Variants in PCNX2 observed in about 807,000 individuals in gnomAD.
The protein encoded by PCNX2 is pecanex 2.
In PCNX2, 168 loss-of-function variants were observed where a neutral mutation model predicts 223.8. The observed-to-expected ratio is 0.75, with a 90% CI of 0.66 to 0.85. The LOEUF (loss-of-function observed/expected upper bound fraction) is 0.85. PCNX2 is among the 40% of genes least tolerant of loss of function. The pLI is 0.00. For synonymous variants in PCNX2, 1,006 were observed against 1,052.6 expected, an observed-to-expected ratio of 0.96 and a Z score of 0.86; for missense variants, 2,507 against 2,675.5, an observed-to-expected ratio of 0.94 and a Z score of 1.39.
At chr1:233,035,379 T>C (rs1671419191) in intron 25 of PCNX2, among the ~76,000 whole-genome samples, 1 of 152,214 alleles carries the variant, frequency 6.6e-6, no homozygotes, top group Non-Finnish European at 1.5e-5. Context: ...ATTTCATCAA[T>C]ATGATTACAT....
intron 28 of PCNX2, among the ~76,000 whole-genome samples, chr1:233,006,984 T>A (rs1008310711): frequency 5.3e-5 from 8 of 151,974 alleles, no homozygotes; most frequent in Non-Finnish European, 1.0e-4. Context: ...CTTATTCCTC[T>A]CTGTGGAACC....
intron 25 of PCNX2, among the ~76,000 whole-genome samples, chr1:233,039,867 A>G (rs546507661): frequency 1.6e-3 from 251 of 152,362 alleles, no homozygotes; most frequent in African/African-American, 5.8e-3. Flanking sequence ...AAACACTCAA[A>G]CACAAATATA....
At chr1:233,110,684 C>T (rs569522782) in intron 21 of PCNX2, among the ~76,000 whole-genome samples, 234 of 151,878 alleles carry the variant, frequency 1.5e-3, no homozygotes, top group African/African-American at 5.2e-3. Context: ...TAGTAAACAA[C>T]GGATTGTGTG....
In PCNX2 at chr1:233,027,876, C is replaced by T. The variant is rs112501270; in HGVS notation, c.4352-2477G>A. Among the ~76,000 whole-genome samples, 471 of 152,320 alleles carry T rather than the reference C, an allele frequency of 3.1e-3. 6 individuals are homozygous for T. Among genetic ancestry groups the T allele is most frequent in the African/African-American group, 0.01 (428 of 41,568 alleles). ...TCTTCTTTGCTAATATAAACTTTTA[C>T]AGCTGCACATTTCTCTCTATGCATT... is the stretch of plus-strand genomic sequence containing the variant. On this transcript the variant is annotated intron_variant, in intron 25 of 33. Transcript: ENST00000258229.
At chr1:233,230,091 A>G (rs1041798311) in intron 9 of PCNX2, among the ~76,000 whole-genome samples, 2 of 152,234 alleles carry the variant, frequency 1.3e-5, no homozygotes, top group African/African-American at 4.8e-5. Context: ...TTGAAAACTG[A>G]AAACATAACA....
chr1:233,252,174 C>A (rs529902875), intron 7 of PCNX2, among the ~76,000 whole-genome samples, 180 bp downstream of exon 7: 1 of 152,196 alleles, frequency 6.6e-6, no homozygotes, highest in African/African-American at 2.4e-5. Flanking sequence ...GGGCACAGCA[C>A]GTGTAAAGGC....
At chr1:233,200,381 A>ATTTTT in intron 13 of PCNX2, 117 bp from the exon 14 acceptor site, 3 of 429,184 alleles carry the variant, frequency 7.0e-6, no homozygotes, top group South Asian at 3.1e-5. Context: ...ACTGGAGGCA[A>ATTTTT]TCTTTTTTTT....
chr1:233,054,470 GT>G lies in PCNX2; in HGVS notation c.4148del (p.Asn1383ThrfsTer11). ...QIERDPGNDD[N>X]NLNSIFYEHL... Reference sequence around the variant, plus strand: ...GTTCATAAAAAATGGAATTGAGATTGTTGTCATCATTCCCTAAAGGCAGACA... The same window carrying G: ...GTTCATAAAAAATGGAATTGAGATTGTGTCATCATTCCCTAAAGGCAGACA... On this transcript the variant is annotated frameshift_variant, in exon 25 of 34. Coordinates refer to ENST00000258229, the MANE Select transcript of PCNX2 (RefSeq NM_014801.4). LOFTEE classifies it high-confidence loss of function. 1 of 1,612,592 alleles carries G rather than the reference GT, an allele frequency of 6.2e-7. No individual in the cohort carries two copies. The highest frequency in any genetic ancestry group is 8.5e-7 in the Non-Finnish European group (1 of 1,178,844).
intron 1 of PCNX2, among the ~76,000 whole-genome samples, chr1:233,263,415 C>T (rs1572172050): frequency 1.3e-5 from 2 of 151,436 alleles, no homozygotes. Context: ...AGGCAGGAAC[C>T]CCACAGAACA....
intron 19 of PCNX2, among the ~76,000 whole-genome samples, chr1:233,143,559 T>C (rs978373892): frequency 2.0e-5 from 3 of 152,162 alleles, no homozygotes; most frequent in Admixed American, 6.5e-5. Context: ...ATTCTGCGGA[T>C]TGGGCCCTGG....
rs78006998 is a variant in PCNX2 at position 233,098,140 on chromosome 1, G to C, written c.3838-2277C>G. 3.9e-5 allele frequency among the ~76,000 whole-genome samples: 6 copies of C among 152,252 alleles called. No individual in the cohort carries two copies. In the East Asian group the frequency reaches 1.2e-3, roughly 29 times the overall value. On this transcript the variant is annotated intron_variant, in intron 21 of 33. Transcript: ENST00000258229. Reference sequence around the variant, plus strand: ...CTCATATGATGTATTGCCCCCAAATGCCCTAAAAAATGAATCATGAGTTAT... The same window carrying C: ...CTCATATGATGTATTGCCCCCAAATCCCCTAAAAAATGAATCATGAGTTAT...
intron 15 of PCNX2, among the ~76,000 whole-genome samples, chr1:233,192,038 T>C (rs1263291889): frequency 1.3e-5 from 2 of 152,232 alleles, no homozygotes; most frequent in Non-Finnish European, 2.9e-5. Flanking sequence ...TAGTAGTGTA[T>C]TACTGAAACA....
At chr1:233,077,014 T>C (rs1000609894) in intron 23 of PCNX2, among the ~76,000 whole-genome samples, 1 of 152,186 alleles carries the variant, frequency 6.6e-6, no homozygotes, top group African/African-American at 2.4e-5. Context: ...GTTTTCTGAA[T>C]GTCTAAAATA....
upstream of PCNX2, among the ~76,000 whole-genome samples, chr1:233,297,262 A>G (rs1662176383): frequency 6.6e-6 from 1 of 152,216 alleles, no homozygotes; most frequent in African/African-American, 2.4e-5. Flanking sequence ...TGATTCATCA[A>G]ATATTTACTC....
At chr1:233,058,720 C>T (rs985215030) in intron 23 of PCNX2, among the ~76,000 whole-genome samples, 5 of 136,424 alleles carry the variant, frequency 3.7e-5, no homozygotes, top group Non-Finnish European at 6.0e-5. Flanking sequence ...GGATGGAGTG[C>T]AGCAGTGCAA....
At chr1:233,137,485 T>C (rs1676877940) in intron 20 of PCNX2, among the ~76,000 whole-genome samples, 1 of 152,280 alleles carries the variant, frequency 6.6e-6, no homozygotes, top group Non-Finnish European at 1.5e-5. Flanking sequence ...CACATTTATT[T>C]CAATGTTTAA....
intron 23 of PCNX2, among the ~76,000 whole-genome samples, chr1:233,086,318 C>T (rs910544562): frequency 3.9e-5 from 6 of 152,288 alleles, no homozygotes; most frequent in Non-Finnish European, 5.9e-5. Flanking sequence ...CCTCCCATCA[C>T]AGGTGGCTAT....
chr1:233,047,386 A>G (rs890153407), intron 25 of PCNX2: 2 of 985,122 alleles, frequency 2.0e-6, no homozygotes, highest in African/African-American at 3.5e-5. Flanking sequence ...ATTAACTTGG[A>G]CCCTTTAAAC....
At chr1:233,190,426 A>G (rs1490008892) in intron 15 of PCNX2, among the ~76,000 whole-genome samples, 3 of 152,182 alleles carry the variant, frequency 2.0e-5, no homozygotes, top group Non-Finnish European at 4.4e-5. Context: ...TCAAGTGGAG[A>G]GTCAGTCTGA....
Sources: gnomAD v4.1 joint callset for allele counts (sites outside exome capture counted in the v4.1 genomes callset) on GRCh38, gnomAD v4.1.1 for gene constraint, MANE v1.5 for transcripts, NCBI Gene and HGNC (gene_info 2026-07-23, HGNC 2026-07-21) for gene names.